THSD7B: variants seen among roughly 807,000 people sequenced by gnomAD.
The protein encoded by THSD7B is thrombospondin type-1 domain-containing protein 7B.
THSD7B carries 138 observed loss-of-function variants against 213.6 expected under a neutral mutation model. That is an observed-to-expected ratio of 0.65 (90% CI 0.56 to 0.74). The LOEUF (loss-of-function observed/expected upper bound fraction) is 0.74, where lower values mean the gene tolerates loss of function less well. Ranked by LOEUF, THSD7B falls within the 30% of genes least tolerant of loss-of-function variation. The pLI is 0.00. For synonymous variants in THSD7B, 742 were observed against 687.0 expected (o/e 1.08, Z -1.25); for missense variants, 1,931 against 1,991.5 (o/e 0.97, Z 0.58).
chr2:137,393,036 G>A (rs927744154), intron 12 of THSD7B, among the ~76,000 whole-genome samples: 1 of 151,764 alleles, frequency 6.6e-6, no homozygotes, highest in Non-Finnish European at 1.5e-5. Flanking sequence ...CGGTCTGACA[G>A]TAACGAGTTT....
At chr2:136,973,439 T>C (rs1685433538) in intron 2 of THSD7B, among the ~76,000 whole-genome samples, 1 of 152,202 alleles carries the variant, frequency 6.6e-6, no homozygotes, top group Non-Finnish European at 1.5e-5. Flanking sequence ...ATATCTGTAT[T>C]TTCCTTTTTT....
chr2:137,009,395 A>G (rs1686180687), intron 2 of THSD7B, among the ~76,000 whole-genome samples: 1 of 152,176 alleles, frequency 6.6e-6, no homozygotes, highest in Admixed American at 6.6e-5. Flanking sequence ...CATGCATTAT[A>G]GTATGTTTAA....
At chr2:137,108,578 T>G (rs929132698) in intron 4 of THSD7B, among the ~76,000 whole-genome samples, 2 of 152,188 alleles carry the variant, frequency 1.3e-5, no homozygotes, top group Admixed American at 1.3e-4. Context: ...AGACTCAGCT[T>G]CTCTAATCCA....
intron 2 of THSD7B, among the ~76,000 whole-genome samples, chr2:136,950,745 A>G (rs1157151390): frequency 4.6e-5 from 7 of 152,220 alleles, no homozygotes; most frequent in Admixed American, 4.6e-4. Flanking sequence ...AAATCTAAGC[A>G]CAGATGGTGG....
intron 12 of THSD7B, among the ~76,000 whole-genome samples, chr2:137,331,129 C>T (rs1021394766): frequency 7.2e-6 from 1 of 138,596 alleles, no homozygotes; most frequent in Non-Finnish European, 1.5e-5. Flanking sequence ...GGTGTATTTA[C>T]AATCCCTGAG....
chr2:137,287,569 A>G (rs1230449060), intron 12 of THSD7B, among the ~76,000 whole-genome samples: 1 of 152,124 alleles, frequency 6.6e-6, no homozygotes, highest in Non-Finnish European at 1.5e-5. Context: ...TAAATATTAA[A>G]AGAGATGAGC....
chr2:137,114,827 T>C (rs1043599529), intron 4 of THSD7B, among the ~76,000 whole-genome samples: 1 of 152,196 alleles, frequency 6.6e-6, no homozygotes. Context: ...AACTCCTCTC[T>C]CTATTCCCTC....
intron 3 of THSD7B, among the ~76,000 whole-genome samples, chr2:137,076,030 G>T (rs112703014): frequency 2.6e-5 from 4 of 152,162 alleles, no homozygotes; most frequent in Non-Finnish European, 4.4e-5. Context: ...CTACTCGGGG[G>T]TCAGGGACCC....
At chr2:137,572,025 G>A (rs1215821077) in intron 16 of THSD7B, among the ~76,000 whole-genome samples, 1 of 151,478 alleles carries the variant, frequency 6.6e-6, no homozygotes, top group Admixed American at 6.6e-5. Context: ...ACAAAGTGAT[G>A]GATTTATTCA....
At chr2:136,808,670 A>C (rs547360229) in intron 1 of THSD7B, among the ~76,000 whole-genome samples, 8 of 152,358 alleles carry the variant, frequency 5.3e-5, no homozygotes, top group Admixed American at 2.6e-4. Context: ...GTTACTCCAC[A>C]TCCTCATTAG....
intron 3 of THSD7B, among the ~76,000 whole-genome samples, chr2:137,093,275 C>A (rs963668019): frequency 6.6e-6 from 1 of 152,068 alleles, no homozygotes; most frequent in Non-Finnish European, 1.5e-5. Context: ...CGTTCCTCCT[C>A]GCACTTTATG....
chr2:137,139,089 T>C (rs1044954932), intron 5 of THSD7B, among the ~76,000 whole-genome samples: 2 of 152,160 alleles, frequency 1.3e-5, no homozygotes, highest in African/African-American at 2.4e-5. Flanking sequence ...TTTTCAATTT[T>C]ATATTGGTTT....
At chr2:137,081,520 TGTC>T (rs888387446) in intron 3 of THSD7B, among the ~76,000 whole-genome samples, 5 of 152,144 alleles carry the variant, frequency 3.3e-5, no homozygotes, top group Admixed American at 1.3e-4. Context: ...TTGCTTTTAT[TGTC>T]TTTCTGAGTT....
intron 10 of THSD7B, among the ~76,000 whole-genome samples, chr2:137,247,406 C>T (rs1293478956): frequency 1.3e-5 from 2 of 152,126 alleles, no homozygotes; most frequent in East Asian, 3.9e-4. Context: ...ACTTCCACAC[C>T]CAAAAGGACT....
At chr2:136,913,128 A>G (rs773789767) in intron 2 of THSD7B, among the ~76,000 whole-genome samples, 4 of 152,188 alleles carry the variant, frequency 2.6e-5, no homozygotes, top group Non-Finnish European at 5.9e-5. Context: ...GGAAATGAGG[A>G]ACTTTTTGGG....
intron 24 of THSD7B, among the ~76,000 whole-genome samples, chr2:137,658,039 G>T (rs531509530): frequency 2.0e-5 from 3 of 152,254 alleles, no homozygotes; most frequent in Non-Finnish European, 4.4e-5. Flanking sequence ...ATGCTTTCTT[G>T]TCAGCAAATT....
At chr2:136,896,443 G>A (rs1683961749) in intron 2 of THSD7B, among the ~76,000 whole-genome samples, 1 of 152,126 alleles carries the variant, frequency 6.6e-6, no homozygotes, top group Admixed American at 6.5e-5. Context: ...CATTCTGGAT[G>A]CAAATCCTTT....
chr2:137,011,905 A>G (rs1686237183), intron 2 of THSD7B, among the ~76,000 whole-genome samples: 1 of 152,148 alleles, frequency 6.6e-6, no homozygotes, highest in South Asian at 2.1e-4. Context: ...GCATTTTATT[A>G]TCTCTACTAG....
At chr2:136,895,336 A>G (rs1683937052) in intron 2 of THSD7B, among the ~76,000 whole-genome samples, 1 of 151,954 alleles carries the variant, frequency 6.6e-6, no homozygotes, top group Non-Finnish European at 1.5e-5. Flanking sequence ...TTTCTTTATG[A>G]AAAGGTCTTA....
Sources: gnomAD v4.1 joint callset for allele counts (sites outside exome capture counted in the v4.1 genomes callset) on GRCh38, gnomAD v4.1.1 for gene constraint, MANE v1.5 for transcripts, NCBI Gene and HGNC (gene_info 2026-07-23, HGNC 2026-07-21) for gene names.